KCNH8: variants seen among roughly 807,000 people sequenced by gnomAD.
The protein encoded by KCNH8 is potassium voltage-gated channel subfamily H member 8.
Under a neutral mutation model 103.6 loss-of-function variants are expected in KCNH8, and 70 were observed. The observed-to-expected ratio is 0.68, with a 90% CI of 0.56 to 0.82. The LOEUF (loss-of-function observed/expected upper bound fraction) is 0.82, where lower values mean the gene tolerates loss of function less well. Among genes scored for constraint, KCNH8 ranks in the 40% least tolerant of loss-of-function variants. KCNH8 has a pLI of 0.00. For synonymous variants in KCNH8, 498 were observed against 489.4 expected (o/e 1.02, Z -0.23); for missense variants, 1,217 against 1,329.9 (o/e 0.92, Z 1.32).
At chr3:19,227,666 T>A (rs1212914793) in intron 1 of KCNH8, among the ~76,000 whole-genome samples, 1 of 152,046 alleles carries the variant, frequency 6.6e-6, no homozygotes, top group African/African-American at 2.4e-5. Flanking sequence ...GTAACCAGAA[T>A]TTTTGAACAT....
chr3:19,250,602 A>G (rs1254080389), intron 1 of KCNH8, among the ~76,000 whole-genome samples: 1 of 152,180 alleles, frequency 6.6e-6, no homozygotes, highest in East Asian at 1.9e-4. Flanking sequence ...TTCTGAGCCT[A>G]CTTCATCCAA....
chr3:19,357,899 T>G (rs1673098146), intron 5 of KCNH8, among the ~76,000 whole-genome samples: 2 of 151,826 alleles, frequency 1.3e-5, no homozygotes, highest in Admixed American at 1.3e-4. Context: ...AATATATATA[T>G]ATAAATCCTG....
chr3:19,453,344 A>G (rs2067478524), intron 10 of KCNH8, among the ~76,000 whole-genome samples: 1 of 152,132 alleles, frequency 6.6e-6, no homozygotes, highest in African/African-American at 2.4e-5. Flanking sequence ...TATCCTTTAA[A>G]TTTATGCAAA....
intron 15 of KCNH8, among the ~76,000 whole-genome samples, chr3:19,528,857 C>T (rs937697803): frequency 6.6e-6 from 1 of 152,102 alleles, no homozygotes; most frequent in Non-Finnish European, 1.5e-5. Flanking sequence ...ATAACAGTTT[C>T]TACCCTCAAG....
intron 1 of KCNH8, among the ~76,000 whole-genome samples, chr3:19,249,692 A>T (rs1030136167): frequency 1.3e-5 from 2 of 152,208 alleles, no homozygotes; most frequent in African/African-American, 4.8e-5. Context: ...CAAATGAAGC[A>T]TCATTAAATA....
chr3:19,255,304 C>A (rs1169320134), intron 2 of KCNH8, among the ~76,000 whole-genome samples: 1 of 152,146 alleles, frequency 6.6e-6, no homozygotes, highest in Non-Finnish European at 1.5e-5. Flanking sequence ...TTTCTTATGG[C>A]AGCCTAAGCA....
At chr3:19,497,682 G>C (rs988388590) in intron 11 of KCNH8, among the ~76,000 whole-genome samples, 1 of 152,174 alleles carries the variant, frequency 6.6e-6, no homozygotes, top group Non-Finnish European at 1.5e-5. Context: ...TTTAGAATAT[G>C]TGCCATGTGG....
intron 14 of KCNH8, among the ~76,000 whole-genome samples, 200 bp downstream of exon 14, chr3:19,515,628 T>A (rs983939044): frequency 6.6e-6 from 1 of 151,960 alleles, no homozygotes. Context: ...CATTTCTCTG[T>A]CCAGATTGGA....
At chr3:19,247,928 A>G (rs2064226556) in intron 1 of KCNH8, among the ~76,000 whole-genome samples, 1 of 152,172 alleles carries the variant, frequency 6.6e-6, no homozygotes, top group Non-Finnish European at 1.5e-5. Context: ...TCTTGAGCAT[A>G]CACTATTCTA....
intron 1 of KCNH8, among the ~76,000 whole-genome samples, chr3:19,159,047 A>C (rs984433807): frequency 5.3e-5 from 8 of 151,754 alleles, no homozygotes; most frequent in African/African-American, 1.9e-4. Context: ...AGAGGTAAAT[A>C]TTTTATTATA....
At chr3:19,232,463 T>G (rs1236874266) in intron 1 of KCNH8, among the ~76,000 whole-genome samples, 2 of 152,206 alleles carry the variant, frequency 1.3e-5, no homozygotes, top group African/African-American at 2.4e-5. Context: ...CACTGTTTTC[T>G]TACCTAGCTA....
intron 7 of KCNH8, among the ~76,000 whole-genome samples, chr3:19,427,632 G>C (rs2067048425): frequency 6.6e-6 from 1 of 152,088 alleles, no homozygotes; most frequent in Non-Finnish European, 1.5e-5. Context: ...GAGTCATTGG[G>C]ATGTTGCTGA....
chr3:19,181,642 T>C (rs969986517), intron 1 of KCNH8, among the ~76,000 whole-genome samples: 4 of 152,104 alleles, frequency 2.6e-5, no homozygotes, highest in African/African-American at 9.7e-5. Context: ...CAAAATTGAC[T>C]CAAAAAATAG....
intron 5 of KCNH8, among the ~76,000 whole-genome samples, chr3:19,356,148 G>A (rs1293334513): frequency 2.0e-5 from 3 of 151,914 alleles, no homozygotes; most frequent in Non-Finnish European, 4.4e-5. Flanking sequence ...TTTAAATTGA[G>A]AAATAAATGT....
chr3:19,384,554 C>A (rs1420514794), intron 5 of KCNH8, among the ~76,000 whole-genome samples: 3 of 151,984 alleles, frequency 2.0e-5, no homozygotes, highest in Non-Finnish European at 4.4e-5. Context: ...GTTTTTTTAA[C>A]TGTGACAATT....
chr3:19,530,028 GT>G (rs1284180696), intron 15 of KCNH8, among the ~76,000 whole-genome samples: 13 of 152,132 alleles, frequency 8.5e-5, no homozygotes, highest in Non-Finnish European at 1.9e-4. Context: ...CGGTCTCAAA[GT>G]TGTGGCAAAT....
chr3:19,478,456 TTAA>T (rs980725197), intron 11 of KCNH8, among the ~76,000 whole-genome samples: 2 of 152,168 alleles, frequency 1.3e-5, no homozygotes, highest in African/African-American at 2.4e-5. Context: ...TCTTTGACTT[TTAA>T]TAATAGCCAT....
At chr3:19,410,071 C>G (rs2066753999) in intron 7 of KCNH8, among the ~76,000 whole-genome samples, 1 of 152,042 alleles carries the variant, frequency 6.6e-6, no homozygotes, top group South Asian at 2.1e-4. Context: ...AGAATATATG[C>G]TCTTCTCATC....
Position 19,438,154 on chromosome 3 carries a change from T to C in KCNH8, c.1178-10T>C. 1 of 1,611,730 alleles carries C rather than the reference T, an allele frequency of 6.2e-7. No homozygotes were observed. The highest frequency in any genetic ancestry group is 1.1e-5 in the South Asian group (1 of 91,022). On this transcript the variant is annotated splice_polypyrimidine_tract_variant and intron_variant, in intron 7 of 15. Coordinates refer to ENST00000328405, the MANE Select transcript of KCNH8 (RefSeq NM_144633.3). ...TTCTTCTCTCATTTGCTTTATTTCC[T>C]CCTTTGCAGGTTGGCTTCATGAGTT...
Sources: gnomAD v4.1 joint callset for allele counts (sites outside exome capture counted in the v4.1 genomes callset) on GRCh38, gnomAD v4.1.1 for gene constraint, MANE v1.5 for transcripts, NCBI Gene and HGNC (gene_info 2026-07-23, HGNC 2026-07-21) for gene names.